Variants in ADGRL3 observed in about 807,000 individuals in gnomAD.
The protein encoded by ADGRL3 is calcium-independent alpha-latrotoxin receptor 3.
Under a neutral mutation model 153.5 loss-of-function variants are expected in ADGRL3, and 62 were observed. The ratio of observed to expected loss-of-function variants is 0.40; its 90% confidence interval spans 0.33 to 0.50. ADGRL3 has a LOEUF of 0.50. Ranked by LOEUF, ADGRL3 falls within the 20% of genes least tolerant of loss-of-function variation. The probability of loss-of-function intolerance (pLI) is 0.47; values close to 1 mark genes in which losing one functional copy is unlikely to be tolerated. For synonymous variants in ADGRL3, 710 were observed against 672.5 expected, an observed-to-expected ratio of 1.06 and a Z score of -0.86; for missense variants, 1,641 against 1,859.4, an observed-to-expected ratio of 0.88 and a Z score of 2.16.
At chr4:61,426,204 T>C (rs764798338) in intron 2 of ADGRL3, among the ~76,000 whole-genome samples, 1 of 152,238 alleles carries the variant, frequency 6.6e-6, no homozygotes, top group Non-Finnish European at 1.5e-5. Context: ...AATTCGGTAA[T>C]TTCCAGGTAG....
intron 8 of ADGRL3, among the ~76,000 whole-genome samples, chr4:61,756,573 A>C (rs926678941): frequency 6.6e-6 from 1 of 152,172 alleles, no homozygotes; most frequent in African/African-American, 2.4e-5. Context: ...AAACAGGGAC[A>C]ATTTCACTTC....
At chr4:61,392,708 A>AAAAAAAAAAAGT (rs1560565678) in intron 2 of ADGRL3, among the ~76,000 whole-genome samples, 1 of 92,740 alleles carries the variant, frequency 1.1e-5, no homozygotes, top group Non-Finnish European at 2.4e-5. Context: ...AAAAAAAAAG[A>AAAAAAAAAAAGT]AAAAGGAAAA....
At chr4:61,743,436 T>G (rs77828682) in intron 8 of ADGRL3, among the ~76,000 whole-genome samples, 13,194 of 152,062 alleles carry the variant, frequency 0.087, 1,215 homozygotes, top group African/African-American at 0.23. Context: ...GAAAATTATC[T>G]CTAATGCTAG....
chr4:61,375,029 T>C (rs11131325), intron 1 of ADGRL3, among the ~76,000 whole-genome samples: 82,419 of 151,712 alleles, frequency 0.54, 24,256 homozygotes, highest in Middle Eastern at 0.75. Flanking sequence ...TCTGGCATAT[T>C]GGATTTTTGT....
At chr4:61,498,045 T>C (rs912445415) in intron 3 of ADGRL3, among the ~76,000 whole-genome samples, 5 of 152,198 alleles carry the variant, frequency 3.3e-5, no homozygotes, top group Non-Finnish European at 5.9e-5. Flanking sequence ...ACATTTTTAA[T>C]GTAGTAAATT....
At chr4:61,956,460 C>G (rs964018122) in intron 17 of ADGRL3, among the ~76,000 whole-genome samples, 3 of 152,042 alleles carry the variant, frequency 2.0e-5, no homozygotes, top group African/African-American at 7.2e-5. Context: ...GGGTAGATTG[C>G]AAAATTTCTC....
chr4:61,785,590 T>G (rs2097267045), intron 8 of ADGRL3, among the ~76,000 whole-genome samples: 1 of 152,186 alleles, frequency 6.6e-6, no homozygotes, highest in Non-Finnish European at 1.5e-5. Flanking sequence ...CAAGTCTTCT[T>G]GTCTTGTTTC....
At chr4:61,899,533 CA>C (rs900430735) in intron 11 of ADGRL3, among the ~76,000 whole-genome samples, 2 of 150,536 alleles carry the variant, frequency 1.3e-5, no homozygotes, top group Admixed American at 6.6e-5. Flanking sequence ...TATACACATG[CA>C]AAAAAAAAGT....
intron 4 of ADGRL3, among the ~76,000 whole-genome samples, chr4:61,575,005 A>G (rs553047923): frequency 6.6e-6 from 1 of 152,024 alleles, no homozygotes; most frequent in East Asian, 1.9e-4. Flanking sequence ...GAATTAAAGA[A>G]CTAAAAATCT....
chr4:61,500,064 A>AGAGAGAGAGAGAGAGAGAGAG (rs58067932), intron 3 of ADGRL3, among the ~76,000 whole-genome samples: 4 of 147,168 alleles, frequency 2.7e-5, no homozygotes, highest in Non-Finnish European at 4.5e-5. Context: ...AGAGAGAGAG[A>AGAGAGAGAGAGAGAGAGAGAG]ATATCTCCAA....
intron 3 of ADGRL3, among the ~76,000 whole-genome samples, chr4:61,500,867 T>C (rs906730276): frequency 5.9e-5 from 9 of 152,178 alleles, no homozygotes; most frequent in Non-Finnish European, 8.8e-5. Context: ...TAAATTGAGA[T>C]CACACAGCTA....
intron 4 of ADGRL3, among the ~76,000 whole-genome samples, chr4:61,546,102 C>A (rs1040425484): frequency 6.6e-6 from 1 of 152,122 alleles, no homozygotes; most frequent in Non-Finnish European, 1.5e-5. Context: ...ACTGCTTCTG[C>A]TCTTACCCAC....
At chr4:62,017,312 AT>A (rs145476506) in intron 21 of ADGRL3, among the ~76,000 whole-genome samples, 34,185 of 151,434 alleles carry the variant, frequency 0.23, 4,229 homozygotes, top group South Asian at 0.41. Context: ...TTTGCTATGA[AT>A]TTTTTTTTAA....
chr4:61,476,109 T>C (rs1238208461), intron 2 of ADGRL3, among the ~76,000 whole-genome samples: 2 of 152,210 alleles, frequency 1.3e-5, no homozygotes, highest in Non-Finnish European at 2.9e-5. Context: ...CATAGTACTC[T>C]GTCTTCTGGC....
chr4:61,835,469 C>A (rs889684186), intron 9 of ADGRL3, among the ~76,000 whole-genome samples: 1 of 149,182 alleles, frequency 6.7e-6, no homozygotes, highest in East Asian at 2.0e-4. Context: ...ATTCCTGTAA[C>A]TTGTTTATCC....
intron 5 of ADGRL3, among the ~76,000 whole-genome samples, chr4:61,655,922 T>C (rs1228789333): frequency 1.3e-5 from 2 of 152,278 alleles, no homozygotes; most frequent in East Asian, 3.9e-4. Flanking sequence ...CTAGATATAT[T>C]TGGAATGTGG....
intron 1 of ADGRL3, among the ~76,000 whole-genome samples, chr4:61,262,635 A>T (rs2092606199): frequency 6.6e-6 from 1 of 151,834 alleles, no homozygotes; most frequent in Admixed American, 6.6e-5. Flanking sequence ...TTTTATCTTA[A>T]TCGTATTTAT....
At chr4:61,769,015 C>T (rs900804709) in intron 8 of ADGRL3, among the ~76,000 whole-genome samples, 59 of 148,964 alleles carry the variant, frequency 4.0e-4, no homozygotes, top group Admixed American at 3.3e-3. Flanking sequence ...CCTAGGAAAG[C>T]GGGACTTGCC....
chr4:61,299,336 C>T (rs1381097394), intron 1 of ADGRL3, among the ~76,000 whole-genome samples: 6 of 152,074 alleles, frequency 3.9e-5, no homozygotes, highest in Non-Finnish European at 5.9e-5. Context: ...ATCAGGTTCT[C>T]GTTATTTTAA....
Sources: allele counts gnomAD v4.1 joint callset (sites outside exome capture counted in the v4.1 genomes callset), GRCh38; gene constraint gnomAD v4.1.1; transcripts MANE v1.5; gene names NCBI Gene and HGNC (gene_info 2026-07-23, HGNC 2026-07-21).